CMAS: variants seen among roughly 807,000 people sequenced by gnomAD.
CMAS encodes the protein cytidine monophosphate N-acetylneuraminic acid synthetase.
Under a neutral mutation model 53.4 loss-of-function variants are expected in CMAS, and 21 were observed. The ratio of observed to expected loss-of-function variants is 0.39; its 90% CI spans 0.28 to 0.57. The LOEUF (loss-of-function observed/expected upper bound fraction) is 0.57, where lower values mean the gene tolerates loss of function less well. Among genes scored for constraint, CMAS ranks in the 20% least tolerant of loss-of-function variants. The pLI is 0.56. For synonymous variants in CMAS, 189 were observed against 195.2 expected (o/e 0.97, Z 0.27); for missense variants, 384 against 534.9 (o/e 0.72, Z 2.78).
At chr12:22,059,609 C>T (rs932791013) in intron 4 of CMAS, among the ~76,000 whole-genome samples, 1 of 152,086 alleles carries the variant, frequency 6.6e-6, no homozygotes, top group South Asian at 2.1e-4. Flanking sequence ...TCTAATGGGA[C>T]TATTATTCTG....
In CMAS at chr12:22,061,327, G is replaced by A. The variant is rs1378979440; in HGVS notation, c.835G>A (p.Val279Ile). ...KEKLKEIKLL[V>I]CNIDGCLTNG... ...GAAGCTTAAGGAAATAAAACTTTTGGTTTGCAATATTGATGGATGTCTCAC... is the reference window on the plus strand; with the variant it reads ...GAAGCTTAAGGAAATAAAACTTTTGATTTGCAATATTGATGGATGTCTCAC... Residue 279 changes from valine (V) to isoleucine (I), a missense_variant, in exon 6 of 8, where the codon GTT (valine) becomes ATT (isoleucine). This residue lies in a region of CMAS where 139 missense variants were observed against 248.0 expected (regional missense o/e 0.56). Coordinates refer to ENST00000229329, the MANE Select transcript of CMAS (RefSeq NM_018686.6). 6.2e-7 allele frequency: 1 copy of A among 1,611,668 alleles called. No homozygotes were observed. The highest frequency in any genetic ancestry group is 1.7e-5 in the Admixed American group (1 of 59,354).
At chr12:22,064,780 C>T (rs57690287) in intron 7 of CMAS, among the ~76,000 whole-genome samples, 1,954 of 152,062 alleles carry the variant, frequency 0.013, 48 homozygotes, top group African/African-American at 0.044. Context: ...TTGGGGTTCT[C>T]GCATATGTTT....
Position 22,055,587 on chromosome 12 carries a change from G to A in CMAS, c.536G>A (p.Arg179Gln), listed in dbSNP as rs1232782429. ...VFSVVRRHQFRWSEIQKGVRE... is the reference protein window; with the variant it reads ...VFSVVRRHQFQWSEIQKGVRE... ...TCTGTTGTGAGACGCCATCAGTTTC[G>A]ATGGAGTGAAATTCAGAAAGGAGGT... The change falls in exon 3 of 8, where the codon CGA (arginine) becomes CAA (glutamine). Residue 179 changes from arginine to glutamine, a missense_variant. Around this residue, in one of 3 missense-constraint regions of CMAS, gnomAD observed 139 missense variants for 248.0 expected, o/e 0.56. Transcript: ENST00000229329. 3 of 1,608,412 alleles carry A rather than the reference G, an allele frequency of 1.9e-6. No homozygotes were observed. Among genetic ancestry groups the A allele is most frequent in the African/African-American group, 1.3e-5 (1 of 74,692 alleles).
In CMAS at chr12:22,065,398, A is replaced by C; in HGVS notation, c.*87A>C. 9.8e-7 allele frequency: 1 copy of C among 1,021,226 alleles called. No individual in the cohort carries two copies. Among genetic ancestry groups the C allele is most frequent in the Non-Finnish European group, 1.5e-6 (1 of 679,436 alleles). 63.3% of individuals were successfully genotyped at this position (1,021,226 alleles called of 1,614,324 possible). A position where few individuals can be genotyped will look rare whatever the true frequency, so the allele number is the denominator to read the frequency against. On this transcript the variant is annotated 3_prime_UTR_variant, in exon 8 of 8. Transcript: ENST00000229329. ...TTGATTAAGTAAATTCCATGTTGTA[A>C]TGTTACAGAGAGTGTGATTTGGTTT... is the stretch of plus-strand genomic sequence containing the variant.
chr12:22,064,023 T>C (rs1950327100), intron 7 of CMAS: 1 of 152,172 alleles, frequency 6.6e-6, no homozygotes, highest in African/African-American at 2.4e-5. Context: ...AATACTTTTA[T>C]AAGTAAAATT....
At chr12:22,062,188 G>A in intron 6 of CMAS, 93 bp from the exon 7 acceptor site, 2 of 1,174,238 alleles carry the variant, frequency 1.7e-6, no homozygotes, top group East Asian at 2.6e-5. Context: ...GATTTGGACT[G>A]TCTACAAGGT....
intron 3 of CMAS, among the ~76,000 whole-genome samples, chr12:22,057,323 G>A (rs1039818597): frequency 1.3e-5 from 2 of 151,450 alleles, no homozygotes; most frequent in African/African-American, 4.9e-5. Flanking sequence ...CTACATGACA[G>A]TACCAAAGTC....
chr12:22,062,133 T>TTTTC, intron 6 of CMAS, 148 bp from the exon 7 acceptor site: 1 of 612,636 alleles, frequency 1.6e-6, no homozygotes, highest in African/African-American at 1.9e-5. Context: ...CGACAGTCAG[T>TTTTC]TTTCTTACTT....
At chr12:22,062,111 A>C (rs1950311831) in intron 6 of CMAS, among the ~76,000 whole-genome samples, 170 bp from the exon 7 acceptor site, 2 of 152,214 alleles carry the variant, frequency 1.3e-5, no homozygotes. Context: ...TTAAAGCATC[A>C]TGATTTTAAT....
chr12:22,053,301 A>G (rs1950247281), intron 1 of CMAS, among the ~76,000 whole-genome samples: 1 of 151,726 alleles, frequency 6.6e-6, no homozygotes, highest in African/African-American at 2.4e-5. Flanking sequence ...AAAAACAAAC[A>G]AAACATGCAG....
rs1433792742 is a variant in CMAS at position 22,062,349 on chromosome 12, G to T, written c.1029G>T (p.Met343Ile). 1.2e-6 allele frequency: 2 copies of T among 1,613,286 alleles called. No individual in the cohort carries two copies. Among genetic ancestry groups the T allele is most frequent in the East Asian group, 4.5e-5 (2 of 44,836 alleles). Residue 343 changes from methionine (M) to isoleucine (I), a missense_variant, in exon 7 of 8, where the codon ATG becomes ATT. By Grantham distance (10) the Met-to-Ile change is conservative (BLOSUM62 1). Around this residue, in one of 3 missense-constraint regions of CMAS, gnomAD observed 134 missense variants for 154.6 expected, o/e 0.87. Transcript: ENST00000229329. ...CTTCTTTAAAACTGGATTGCAAAATGGAAGTCAGTGTATCAGACAAGCTAG... is the reference window on the plus strand; with the variant it reads ...CTTCTTTAAAACTGGATTGCAAAATTGAAGTCAGTGTATCAGACAAGCTAG... ...TLSSLKLDCK[M>I]EVSVSDKLAV... is the part of the protein sequence containing the mutation.
Position 22,062,399 on chromosome 12 carries a change from A to AAAT in CMAS, c.1080_1082dup (p.Glu360_Met361insIle). The AAAT allele has an allele frequency of 6.2e-7, 1 of 1,613,806 alleles. No homozygotes were observed. The highest frequency in any genetic ancestry group is 8.5e-7 in the Non-Finnish European group (1 of 1,179,820). ...GCAGTTGTAGATGAATGGAGAAAAG[A>AAAT]AATGGGCCTGTGCTGGAAAGAAGTG... On this transcript the variant is annotated inframe_insertion, in exon 7 of 8. Transcript: ENST00000229329.
At chr12:22,061,791 T>A (rs2138188528) in intron 6 of CMAS, among the ~76,000 whole-genome samples, 1 of 152,290 alleles carries the variant, frequency 6.6e-6, no homozygotes, top group Non-Finnish European at 1.5e-5. Context: ...TGTGGATTTT[T>A]AAAATCTAGC....
intron 4 of CMAS, 42 bp downstream of exon 4, chr12:22,058,742 T>C (rs754197293): frequency 3.8e-6 from 6 of 1,590,760 alleles, no homozygotes; most frequent in Non-Finnish European, 5.1e-6. Context: ...AGCGCTTTTG[T>C]AGGCATACTT....
At position 22,061,426 on chromosome 12, in the gene CMAS, A is replaced by C. The variant is rs180870464; in HGVS notation, c.934A>C (p.Ser312Arg). 2.8e-5 allele frequency: 44 copies of C among 1,594,886 alleles called. No individual in the cohort carries two copies. In the East Asian group the frequency reaches 9.4e-4, roughly 34 times the overall value. ...TGATGTAAAAGATGCTATTGGGATA[A>C]GTTTATTAAAGAAAAGTGGTATTGA... Reference protein sequence around the residue: ...SYDVKDAIGISLLKKSGIEVR... With the variant: ...SYDVKDAIGIRLLKKSGIEVR... Residue 312 changes from serine (S) to arginine (R), a missense_variant, in exon 6 of 8, where the codon AGT (serine) becomes CGT (arginine). By Grantham distance (110) the Ser-to-Arg change is moderately radical (BLOSUM62 -1). Coordinates refer to ENST00000229329, the MANE Select transcript of CMAS (RefSeq NM_018686.6).
chr12:22,058,997 C>T (rs2058849), intron 4 of CMAS, among the ~76,000 whole-genome samples: 65,558 of 151,550 alleles, frequency 0.43, 15,147 homozygotes, highest in East Asian at 0.87. Flanking sequence ...CTCAAAACTA[C>T]GTAATCCATG....
At chr12:22,062,220 GT>G (rs1231127504) in intron 6 of CMAS, 60 bp from the exon 7 acceptor site, 1 of 1,448,126 alleles carries the variant, frequency 6.9e-7, no homozygotes, top group Non-Finnish European at 9.2e-7. Context: ...AAAGATTTCT[GT>G]TTTCTTCACT....
At chr12:22,062,554 T>G (rs922772217) in intron 7 of CMAS, 120 bp downstream of exon 7, 1 of 1,016,092 alleles carries the variant, frequency 9.8e-7, no homozygotes, top group Admixed American at 2.4e-5. Flanking sequence ...ATAGGAACTC[T>G]TTTAACAAAC....
intron 1 of CMAS, among the ~76,000 whole-genome samples, chr12:22,052,099 T>C (rs753749675): frequency 6.6e-6 from 1 of 152,200 alleles, no homozygotes; most frequent in East Asian, 1.9e-4. Context: ...CAGATCTATA[T>C]TGAGCACCTG....
Sources: allele counts gnomAD v4.1 joint callset (sites outside exome capture counted in the v4.1 genomes callset), GRCh38; gene constraint gnomAD v4.1.1; regional missense constraint gnomAD v4.1.1; transcripts MANE v1.5; gene names NCBI Gene and HGNC (gene_info 2026-07-23, HGNC 2026-07-21).